RARS1: variants seen among roughly 807,000 people sequenced by gnomAD.
The protein encoded by RARS1 is arginyl-tRNA synthetase 1.
A neutral mutation model predicts 78.7 loss-of-function variants in RARS1; 75 were observed. The observed-to-expected ratio is 0.95, with a 90% CI of 0.79 to 1.15. RARS1 has a LOEUF of 1.15. Ranked by LOEUF, RARS1 falls within the 50% of genes most tolerant of loss-of-function variation. RARS1 has a pLI of 0.00. For missense variants in RARS1, 787 were observed against 787.5 expected (o/e 1.00, Z 0.01); for synonymous variants, 273 against 268.2 (o/e 1.02, Z -0.18).
At position 168,486,515 on chromosome 5, in the gene RARS1, C is replaced by G. The variant is rs1473664328; in HGVS notation, c.17C>G (p.Ser6Cys). MDVLV[S>C]ECSARLLQQE... The stretch of plus-strand genomic sequence containing the variant: ...GATGGGAGGATGGACGTACTGGTGT[C>G]TGAGTGCTCCGCGCGGCTGCTGCAG... The change falls in exon 1 of 15, where the codon TCT becomes TGT. Residue 6 changes from serine (S) to cysteine (C), a missense_variant. Coordinates refer to ENST00000231572, the MANE Select transcript of RARS1 (RefSeq NM_002887.4). 17 of 1,559,150 alleles carry G rather than the reference C, an allele frequency of 1.1e-5. No homozygotes were observed. Among genetic ancestry groups the G allele is most frequent in the Middle Eastern group, 1.7e-4 (1 of 5,998 alleles).
At chr5:168,503,703 A>G (rs536042381) in intron 9 of RARS1, among the ~76,000 whole-genome samples, 1 of 152,096 alleles carries the variant, frequency 6.6e-6, no homozygotes, top group East Asian at 1.9e-4. Context: ...CCATATCTCT[A>G]TGGAAGCCTG....
At chr5:168,491,532 A>G (rs989358112) in intron 2 of RARS1, among the ~76,000 whole-genome samples, 1 of 152,204 alleles carries the variant, frequency 6.6e-6, no homozygotes, top group Non-Finnish European at 1.5e-5. Context: ...AGTGAATTTA[A>G]GAATATAATT....
chr5:168,498,408 A>G (rs1758244958), intron 7 of RARS1, among the ~76,000 whole-genome samples: 1 of 152,190 alleles, frequency 6.6e-6, no homozygotes, highest in African/African-American at 2.4e-5. Flanking sequence ...CACATCATCC[A>G]TAATTTTAAA....
intron 9 of RARS1, among the ~76,000 whole-genome samples, chr5:168,502,568 ATTTTTTTTTTT>A (rs34271397): frequency 1.7e-5 from 2 of 121,190 alleles, no homozygotes; most frequent in African/African-American, 6.1e-5. Context: ...TGATTCATGA[ATTTTTTTTTTT>A]TTTTTTTTTG....
chr5:168,502,570 T>A (rs991788305), intron 9 of RARS1, among the ~76,000 whole-genome samples: 1 of 140,990 alleles, frequency 7.1e-6, no homozygotes, highest in African/African-American at 2.6e-5. Context: ...ATTCATGAAT[T>A]TTTTTTTTTT....
In RARS1 at chr5:168,501,433, A is replaced by T. The variant is rs7729863; in HGVS notation, c.953-568A>T. ...ACATTTTTTAAGAATTAATTTTTTT[A>T]AAAGTTATACAAGAAGGACATGTTC... On this transcript the variant is annotated intron_variant, in intron 8 of 14. Transcript: ENST00000231572. Among the ~76,000 whole-genome samples, 285 of 152,264 alleles carry T rather than the reference A, an allele frequency of 1.9e-3. 2 individuals are homozygous for T. The highest frequency in any genetic ancestry group is 6.4e-3 in the African/African-American group (268 of 41,566).
At chr5:168,494,722 C>G (rs1262344467) in intron 5 of RARS1, 72 bp downstream of exon 5, 1 of 1,091,128 alleles carries the variant, frequency 9.2e-7, no homozygotes, top group Non-Finnish European at 1.4e-6. Flanking sequence ...TGGTATGTGC[C>G]TATAGTCTCA....
In RARS1 at chr5:168,518,067, G is replaced by GTTTTT; in HGVS notation, c.1873+6_1873+7insTTTTT. On this transcript the variant is annotated splice_donor_region_variant and intron_variant, in intron 14 of 14. Transcript: ENST00000231572. ...TGGAGAAAGATAGACAGACTGGTGA[G>GTTTTT]TGTCTTTTTTTTTTTTTTTTTTTTT... 1 of 782,170 alleles carries GTTTTT rather than the reference G, an allele frequency of 1.3e-6. No homozygotes were observed. The highest frequency in any genetic ancestry group is 1.7e-6 in the Non-Finnish European group (1 of 604,658). 48.5% of individuals were successfully genotyped at this position (782,170 alleles called of 1,614,324 possible).
chr5:168,516,874 ATCT>A lies in RARS1; in HGVS notation c.1553_1555del (p.Phe518del). 6.2e-7 allele frequency: 1 copy of A among 1,614,170 alleles called. No homozygotes were observed. The highest frequency in any genetic ancestry group is 8.5e-7 in the Non-Finnish European group (1 of 1,179,994). Reference sequence around the variant, plus strand: ...TTCCCATAACCGGTTGAATGACTACATCTTCTCCTTTGACAAAATGCTAGATGA... The same window carrying A: ...TTCCCATAACCGGTTGAATGACTACATCTCCTTTGACAAAATGCTAGATGA... On this transcript the variant is annotated inframe_deletion, in exon 13 of 15. Coordinates refer to ENST00000231572, the MANE Select transcript of RARS1 (RefSeq NM_002887.4).
At chr5:168,499,288 A>G (rs1758265707) in intron 7 of RARS1, among the ~76,000 whole-genome samples, 1 of 152,148 alleles carries the variant, frequency 6.6e-6, no homozygotes, top group African/African-American at 2.4e-5. Context: ...TTCCAACCTC[A>G]GTGACAGAGT....
chr5:168,493,151 G>A, intron 3 of RARS1: 1 of 213,346 alleles, frequency 4.7e-6, no homozygotes, highest in Non-Finnish European at 9.4e-6. Flanking sequence ...TGAGTGCTGG[G>A]AGGTGAAAAA....
At chr5:168,504,194 C>G (rs1758387669) in intron 9 of RARS1, among the ~76,000 whole-genome samples, 1 of 151,998 alleles carries the variant, frequency 6.6e-6, no homozygotes, top group Non-Finnish European at 1.5e-5. Flanking sequence ...CCAGCCTGGG[C>G]AACAATGTGT....
intron 13 of RARS1, among the ~76,000 whole-genome samples, 192 bp from the exon 14 acceptor site, chr5:168,517,623 A>G (rs1016854797): frequency 9.9e-5 from 15 of 152,146 alleles, no homozygotes; most frequent in African/African-American, 3.6e-4. Flanking sequence ...TAAAAGAATT[A>G]TATTTCCATT....
chr5:168,506,952 T>C (rs1758461246), intron 11 of RARS1, 121 bp downstream of exon 11: 1 of 770,546 alleles, frequency 1.3e-6, no homozygotes. Flanking sequence ...TAAGCTATAA[T>C]GGTGTAAACC....
At chr5:168,494,211 C>T (rs540430630) in intron 4 of RARS1, 1 of 976,272 alleles carries the variant, frequency 1.0e-6, no homozygotes, top group Admixed American at 6.1e-5. Context: ...AGTTACTTTG[C>T]CTCTCTGTGA....
chr5:168,514,231 A>G (rs73316547), intron 12 of RARS1, among the ~76,000 whole-genome samples: 6,535 of 152,196 alleles, frequency 0.043, 440 homozygotes, highest in Admixed American at 0.18. Context: ...GGGGCTGCCA[A>G]ACTTCCTAAA....
rs2290633 is a variant in RARS1 at position 168,518,139 on chromosome 5, G to A, written c.1873+77G>A. ...TGCTCTGTCCCTTGGGCTGGAGTAC[G>A]GTGGTGAAATCATAGGTCACTGAAG... On this transcript the variant is annotated intron_variant, in intron 14 of 14. Coordinates refer to ENST00000231572, the MANE Select transcript of RARS1 (RefSeq NM_002887.4). The A allele has an allele frequency of 0.19, 254,580 of 1,329,592 alleles. 29,754 individuals are homozygous for A. Among genetic ancestry groups the A allele is most frequent in the Admixed American group, 0.32 (8,591 of 27,178 alleles). 82.4% of individuals were successfully genotyped at this position (1,329,592 alleles called of 1,614,324 possible). A position where few individuals can be genotyped will look rare whatever the true frequency, so the allele number is the denominator to read the frequency against.
At chr5:168,490,791 T>C (rs1758065640) in intron 2 of RARS1, among the ~76,000 whole-genome samples, 1 of 152,192 alleles carries the variant, frequency 6.6e-6, no homozygotes, top group South Asian at 2.1e-4. Flanking sequence ...ATTTCGTGTG[T>C]GTAGGTACAC....
chr5:168,508,497 G>A (rs977856839), intron 11 of RARS1, among the ~76,000 whole-genome samples: 1 of 151,478 alleles, frequency 6.6e-6, no homozygotes, highest in Non-Finnish European at 1.5e-5. Flanking sequence ...GTGGGCGCCT[G>A]TAGTCCCAGT....
Sources: gnomAD v4.1 joint callset for allele counts (sites outside exome capture counted in the v4.1 genomes callset) on GRCh38, gnomAD v4.1.1 for gene constraint, MANE v1.5 for transcripts, NCBI Gene and HGNC (gene_info 2026-07-23, HGNC 2026-07-21) for gene names.